The following C1QTNF7 variants were observed in gnomAD, a reference collection of about 807,000 sequenced individuals.
C1QTNF7 encodes the protein C1q and TNF related 7, also known as complement C1q tumor necrosis factor-related protein 7.
C1QTNF7 carries 15 observed loss-of-function variants against 19.6 expected under a neutral mutation model. The ratio of observed to expected loss-of-function variants is 0.76; its 90% CI spans 0.51 to 1.18. The LOEUF is 1.18. C1QTNF7 is among the 50% of genes most tolerant of loss of function. The pLI is 0.00. For missense variants in C1QTNF7, 324 were observed against 359.7 expected, an observed-to-expected ratio of 0.90 and a Z score of 0.80; for synonymous variants, 142 against 137.5, an observed-to-expected ratio of 1.03 and a Z score of -0.23.
chr4:15,394,226 G>A (rs1718692856), intron 1 of C1QTNF7, among the ~76,000 whole-genome samples: 1 of 152,242 alleles, frequency 6.6e-6, no homozygotes, highest in African/African-American at 2.4e-5. Flanking sequence ...AGGTGCAAGG[G>A]ATGATAAGAG....
At chr4:15,390,153 C>T (rs1718501732) in intron 1 of C1QTNF7, among the ~76,000 whole-genome samples, 1 of 152,150 alleles carries the variant, frequency 6.6e-6, no homozygotes, top group African/African-American at 2.4e-5. Context: ...TCGGATTATG[C>T]AGATGTAGGG....
intron 1 of C1QTNF7, among the ~76,000 whole-genome samples, chr4:15,359,469 A>T (rs1717261188): frequency 6.6e-6 from 1 of 152,084 alleles, no homozygotes; most frequent in East Asian, 1.9e-4. Flanking sequence ...GGGTGCCACA[A>T]TTCTACCTTA....
At position 15,408,498 on chromosome 4, in the gene C1QTNF7, G is replaced by GTA. The variant is rs1478471184; in HGVS notation, c.14-27229_14-27228dup. Among the ~76,000 whole-genome samples the GTA allele has an allele frequency of 4.6e-5, 7 of 151,990 alleles. No individual in the cohort carries two copies. In the South Asian group the frequency reaches 6.2e-4, roughly 14 times the overall value. On this transcript the variant is annotated intron_variant, in intron 1 of 2. Transcript: ENST00000295297. ...TATACAGATACAGATAAGTATATAT[G>GTA]TATATATATACAGATAAGAATGTAT...
intron 1 of C1QTNF7, among the ~76,000 whole-genome samples, chr4:15,365,517 G>A (rs2109302229): frequency 6.6e-6 from 1 of 152,248 alleles, no homozygotes; most frequent in East Asian, 1.9e-4. Flanking sequence ...CAGAATAACA[G>A]AGCTCATGTA....
At chr4:15,365,246 T>A (rs1717472641) in intron 1 of C1QTNF7, among the ~76,000 whole-genome samples, 3 of 152,142 alleles carry the variant, frequency 2.0e-5, no homozygotes, top group Admixed American at 6.5e-5. Context: ...GATCTCTTTT[T>A]TTTTTCAGGC....
intron 1 of C1QTNF7, among the ~76,000 whole-genome samples, chr4:15,345,906 T>C (rs1413202322): frequency 6.6e-6 from 1 of 152,180 alleles, no homozygotes; most frequent in Non-Finnish European, 1.5e-5. Context: ...TAACGTCCCA[T>C]ATATACTAAG....
At chr4:15,440,257 C>T (rs1207980682) in intron 2 of C1QTNF7, among the ~76,000 whole-genome samples, 1 of 152,022 alleles carries the variant, frequency 6.6e-6, no homozygotes, top group East Asian at 1.9e-4. Context: ...AGGGACTTAC[C>T]TAAAATGATA....
chr4:15,423,130 T>C (rs936336323), upstream of C1QTNF7, among the ~76,000 whole-genome samples: 4 of 152,212 alleles, frequency 2.6e-5, no homozygotes, highest in African/African-American at 9.6e-5. Context: ...TTGGCCACCC[T>C]GCAGGGACCT....
chr4:15,340,088 G>T (rs963461079), exon 1 of C1QTNF7: 4 of 1,309,624 alleles, frequency 3.1e-6, no homozygotes, highest in African/African-American at 1.5e-5. Flanking sequence ...GAGTAGCTTC[G>T]AATAATAAAC....
At chr4:15,367,860 T>A (rs1448141506) in intron 1 of C1QTNF7, among the ~76,000 whole-genome samples, 7 of 152,146 alleles carry the variant, frequency 4.6e-5, no homozygotes. Context: ...TTACTAACTA[T>A]GATTTTGTAA....
At position 15,440,753 on chromosome 4, in the gene C1QTNF7, A is replaced by G. The variant is rs111631440; in HGVS notation, c.239-1415A>G. On this transcript the variant is annotated intron_variant, in intron 2 of 2. Coordinates refer to ENST00000444304, the MANE Select transcript of C1QTNF7 (RefSeq NM_031911.5). ...GTCTGGGACTCAGTTTTCTCCTCAC[A>G]AAATAAGCTACTGCATGGTGGTGGC... 4.9e-3 allele frequency among the ~76,000 whole-genome samples: 748 copies of G among 152,192 alleles called. 5 individuals are homozygous for G. Among genetic ancestry groups the G allele is most frequent in the African/African-American group, 0.017 (694 of 41,540 alleles).
chr4:15,399,592 T>G (rs1198588558), intron 1 of C1QTNF7, among the ~76,000 whole-genome samples: 1 of 152,218 alleles, frequency 6.6e-6, no homozygotes, highest in Non-Finnish European at 1.5e-5. Context: ...ATTTAAAGAC[T>G]TAGCCCAATG....
intron 1 of C1QTNF7, among the ~76,000 whole-genome samples, chr4:15,347,290 T>C (rs1716754744): frequency 6.6e-6 from 1 of 152,224 alleles, no homozygotes; most frequent in Non-Finnish European, 1.5e-5. Flanking sequence ...GCTCCTTCCA[T>C]TAATATACCA....
intron 1 of C1QTNF7, among the ~76,000 whole-genome samples, chr4:15,408,671 G>A (rs1329490621): frequency 1.3e-5 from 2 of 152,148 alleles, no homozygotes; most frequent in African/African-American, 4.8e-5. Flanking sequence ...CCCCAAAGAA[G>A]GCTCTAAGCT....
intron 1 of C1QTNF7, among the ~76,000 whole-genome samples, chr4:15,414,724 C>T (rs1719528371): frequency 1.3e-5 from 2 of 152,116 alleles, no homozygotes; most frequent in East Asian, 1.9e-4. Flanking sequence ...TCAGTAGAAC[C>T]TTCCAGCAAG....
chr4:15,403,786 A>G (rs1019007336), intron 1 of C1QTNF7, among the ~76,000 whole-genome samples: 19 of 152,230 alleles, frequency 1.2e-4, no homozygotes, highest in Admixed American at 1.2e-3. Flanking sequence ...ACTGCTTGCA[A>G]TATAGCTGTG....
At chr4:15,397,868 C>T (rs1718846391) in intron 1 of C1QTNF7, among the ~76,000 whole-genome samples, 1 of 152,218 alleles carries the variant, frequency 6.6e-6, no homozygotes. Context: ...TCAGCAGATG[C>T]TGGCGACTAC....
chr4:15,353,944 C>A (rs1208843690), intron 1 of C1QTNF7, among the ~76,000 whole-genome samples: 1 of 152,030 alleles, frequency 6.6e-6, no homozygotes, highest in Non-Finnish European at 1.5e-5. Context: ...TCTATTCTAA[C>A]CCTTGAAAAT....
At position 15,435,876 on chromosome 4, in the gene C1QTNF7, C is replaced by T. The variant is rs1451465074; in HGVS notation, c.133C>T (p.Pro45Ser). Residue 45 changes from proline to serine, a missense_variant, in exon 2 of 3, where the codon CCC becomes TCC. Coordinates refer to ENST00000444304, the MANE Select transcript of C1QTNF7 (RefSeq NM_031911.5). ...TCCTGGCTTGCCTGGACCTCCAGGG[C>T]CCCCTGGAGCAAATGGTTCCCCTGG... is the stretch of plus-strand genomic sequence containing the variant. ...SIPGLPGPPGPPGANGSPGPH... is the reference protein window; with the variant it reads ...SIPGLPGPPGSPGANGSPGPH... 6.2e-7 allele frequency: 1 copy of T among 1,613,928 alleles called. No homozygotes were observed. Among genetic ancestry groups the T allele is most frequent in the East Asian group, 2.2e-5 (1 of 44,876 alleles).
Sources: gnomAD v4.1 joint callset for allele counts (sites outside exome capture counted in the v4.1 genomes callset) on GRCh38, gnomAD v4.1.1 for gene constraint, MANE v1.5 for transcripts, NCBI Gene and HGNC (gene_info 2026-07-23, HGNC 2026-07-21) for gene names.